The following NTN4 variants were observed in gnomAD, a reference collection of about 807,000 sequenced individuals.
NTN4 encodes the protein netrin-4.
A neutral mutation model predicts 73.6 loss-of-function variants in NTN4; 32 were observed. The observed-to-expected ratio is 0.44, with a 90% CI of 0.33 to 0.58. The LOEUF (loss-of-function observed/expected upper bound fraction) is 0.58, where lower values mean the gene tolerates loss of function less well. Ranked by LOEUF, NTN4 falls within the 20% of genes least tolerant of loss-of-function variation. NTN4 has a pLI of 0.04. For synonymous variants in NTN4, 258 were observed against 287.5 expected (o/e 0.90, Z 1.04); for missense variants, 654 against 798.3 (o/e 0.82, Z 2.18).
At chr12:95,688,536 T>G (rs1189811496) in intron 5 of NTN4, among the ~76,000 whole-genome samples, 3 of 152,090 alleles carry the variant, frequency 2.0e-5, no homozygotes, top group Admixed American at 1.3e-4. Flanking sequence ...TTAAAGGCTA[T>G]CTTAAATATA....
At chr12:95,746,263 C>G (rs953343887) in intron 2 of NTN4, among the ~76,000 whole-genome samples, 3 of 152,172 alleles carry the variant, frequency 2.0e-5, no homozygotes, top group Non-Finnish European at 4.4e-5. Flanking sequence ...ACACCCAAAG[C>G]CCCGCGTCTA....
At chr12:95,695,141 A>G (rs1444772852) in intron 5 of NTN4, among the ~76,000 whole-genome samples, 1 of 151,238 alleles carries the variant, frequency 6.6e-6, no homozygotes, top group Non-Finnish European at 1.5e-5. Context: ...AAAAAAAATG[A>G]CGCTTGAATC....
intron 3 of NTN4, among the ~76,000 whole-genome samples, chr12:95,718,218 T>C (rs80261975): frequency 0.014 from 2,056 of 152,142 alleles, 48 homozygotes; most frequent in African/African-American, 0.046. Flanking sequence ...GGAGGTGAAA[T>C]AGGGAAATTA....
chr12:95,737,011 CA>C (rs1234429733), intron 3 of NTN4, among the ~76,000 whole-genome samples: 4 of 152,190 alleles, frequency 2.6e-5, no homozygotes, highest in Non-Finnish European at 4.4e-5. Context: ...TCAGAAGTAT[CA>C]GAGCAAAATA....
In NTN4 at chr12:95,672,808, A is replaced by G. The variant is rs1467380201; in HGVS notation, c.1511-2662T>C. ...TGCCAGCGCTCTGCCCTTTTGGAATAAAGAAATAGTTCCCCAGATCAAGGA... is the reference window on the plus strand; with the variant it reads ...TGCCAGCGCTCTGCCCTTTTGGAATGAAGAAATAGTTCCCCAGATCAAGGA... On this transcript the variant is annotated intron_variant, in intron 7 of 9. Transcript: ENST00000343702. 2.4e-5 allele frequency: 32 copies of G among 1,336,010 alleles called. No individual in the cohort carries two copies. The Admixed American group carries it at 5.1e-4, about 21-fold the overall frequency. The allele number at this position is 1,336,010 out of a possible 1,614,324, so 82.8% of individuals were successfully genotyped here. A position where few individuals can be genotyped will look rare whatever the true frequency, so the allele number is the denominator to read the frequency against.
At chr12:95,770,940 G>A (rs981990482) in intron 2 of NTN4, among the ~76,000 whole-genome samples, 3 of 151,422 alleles carry the variant, frequency 2.0e-5, no homozygotes, top group Admixed American at 6.6e-5. Context: ...GAAGGGTGTT[G>A]TTCTGTTTTT....
At chr12:95,722,973 CAAAAAAA>C (rs71087998) in intron 3 of NTN4, among the ~76,000 whole-genome samples, 3,682 of 55,298 alleles carry the variant, frequency 0.067, 96 homozygotes, top group Middle Eastern at 0.22. Flanking sequence ...GACTCTGTCT[CAAAAAAA>C]AAAAAAAAAA....
rs191722417 is a variant in NTN4, at chr12:95,726,753, A to T, written c.864+11113T>A. On this transcript the variant is annotated intron_variant, in intron 3 of 9. Coordinates refer to ENST00000343702, the MANE Select transcript of NTN4 (RefSeq NM_021229.4). Reference sequence around the variant, plus strand: ...CAAGATGGGTGGATCACCTGAGGTCAGGAGTTCGACCTTCAGGAGTTCAGC... The same window carrying T: ...CAAGATGGGTGGATCACCTGAGGTCTGGAGTTCGACCTTCAGGAGTTCAGC... Among the ~76,000 whole-genome samples, 38 of 152,244 alleles carry T rather than the reference A, an allele frequency of 2.5e-4. No homozygotes were observed. In the Middle Eastern group the frequency reaches 0.01, roughly 41 times the overall value.
intron 5 of NTN4, among the ~76,000 whole-genome samples, chr12:95,694,940 C>T (rs2078429643): frequency 6.6e-6 from 1 of 152,126 alleles, no homozygotes; most frequent in South Asian, 2.1e-4. Context: ...CCAGTCTGGT[C>T]ATCATGGTGA....
chr12:95,731,057 G>A (rs1474131638), intron 3 of NTN4, among the ~76,000 whole-genome samples: 1 of 152,132 alleles, frequency 6.6e-6, no homozygotes, highest in Non-Finnish European at 1.5e-5. Flanking sequence ...TATTTACTTT[G>A]TAGAATATCC....
At chr12:95,749,433 A>G (rs2078887355) in intron 2 of NTN4, among the ~76,000 whole-genome samples, 1 of 152,180 alleles carries the variant, frequency 6.6e-6, no homozygotes, top group Non-Finnish European at 1.5e-5. Flanking sequence ...TAAATCAGGT[A>G]AGCGGCCTCT....
chr12:95,721,227 C>T (rs972528056), intron 3 of NTN4, among the ~76,000 whole-genome samples: 3 of 152,092 alleles, frequency 2.0e-5, no homozygotes, highest in Non-Finnish European at 2.9e-5. Flanking sequence ...AAGAGCTGTC[C>T]AGGACAGAGT....
At chr12:95,776,737 G>T (rs1285400687) in intron 2 of NTN4, among the ~76,000 whole-genome samples, 1 of 152,204 alleles carries the variant, frequency 6.6e-6, no homozygotes, top group Non-Finnish European at 1.5e-5. Flanking sequence ...AAAACACTCT[G>T]CAGGATATTA....
At chr12:95,719,224 T>C (rs2078628883) in intron 3 of NTN4, among the ~76,000 whole-genome samples, 1 of 152,218 alleles carries the variant, frequency 6.6e-6, no homozygotes, top group African/African-American at 2.4e-5. Context: ...TGTGTCATTA[T>C]TATTTATATA....
chr12:95,692,376 A>G (rs2078408105), intron 5 of NTN4, among the ~76,000 whole-genome samples: 2 of 152,218 alleles, frequency 1.3e-5, no homozygotes, highest in Non-Finnish European at 2.9e-5. Flanking sequence ...AAGAAAATCT[A>G]TGGTAACAGT....
chr12:95,666,151 T>A (rs912186303), intron 8 of NTN4, among the ~76,000 whole-genome samples, 171 bp from the exon 9 acceptor site: 2 of 152,202 alleles, frequency 1.3e-5, no homozygotes, highest in African/African-American at 4.8e-5. Flanking sequence ...GAAGCCATTA[T>A]TCTAAGGAAA....
intron 3 of NTN4, among the ~76,000 whole-genome samples, chr12:95,724,101 G>A (rs2078672174): frequency 1.3e-5 from 2 of 152,016 alleles, no homozygotes; most frequent in South Asian, 4.2e-4. Context: ...AGTGGGGTTG[G>A]AATGCCTCAT....
chr12:95,785,916 GT>G (rs1403927584), intron 2 of NTN4, among the ~76,000 whole-genome samples: 1 of 152,142 alleles, frequency 6.6e-6, no homozygotes, highest in Non-Finnish European at 1.5e-5. Flanking sequence ...TGGGGATGGG[GT>G]GGGGAACGCT....
At chr12:95,669,990 G>A (rs2078215002) in intron 8 of NTN4, 88 bp downstream of exon 8, 13 of 678,434 alleles carry the variant, frequency 1.9e-5, no homozygotes, top group Admixed American at 1.1e-4. Flanking sequence ...TATACACAAT[G>A]TCATCAGTCA....
Sources: gnomAD v4.1 joint callset for allele counts (sites outside exome capture counted in the v4.1 genomes callset) on GRCh38, gnomAD v4.1.1 for gene constraint, MANE v1.5 for transcripts, NCBI Gene and HGNC (gene_info 2026-07-23, HGNC 2026-07-21) for gene names.